NINJ2: variants seen among roughly 807,000 people sequenced by gnomAD.
The protein encoded by NINJ2 is ninjurin-2.
Under a neutral mutation model 11.7 loss-of-function variants are expected in NINJ2, and 12 were observed. That is an observed-to-expected ratio of 1.02 (90% CI 0.66 to 1.66). The LOEUF (loss-of-function observed/expected upper bound fraction) is 1.66, where lower values mean the gene tolerates loss of function less well. NINJ2 is among the 40% of genes most tolerant of loss of function. The pLI is 0.00. For synonymous variants in NINJ2, 93 were observed against 76.8 expected (o/e 1.21, Z -1.10); for missense variants, 187 against 181.8 (o/e 1.03, Z -0.16).
chr12:601,268 C>T (rs1230371165), intron 1 of NINJ2, among the ~76,000 whole-genome samples: 13 of 152,148 alleles, frequency 8.5e-5, no homozygotes, highest in Admixed American at 5.2e-4. Context: ...TAAAACAGGC[C>T]GGGCGCAGTG....
rs552343109 is a variant in NINJ2, at chr12:643,367, G to A, written c.33+19961C>T. On this transcript the variant is annotated intron_variant, in intron 1 of 3. Transcript: ENST00000305108. ...GGGGAGGGGAGGGTGGCGTTCCTGAGTCCGCGGAGGAAAGGGTCGCAGCTG... is the reference window on the plus strand; with the variant it reads ...GGGGAGGGGAGGGTGGCGTTCCTGAATCCGCGGAGGAAAGGGTCGCAGCTG... 10 of 893,880 alleles carry A rather than the reference G, an allele frequency of 1.1e-5. No homozygotes were observed. The South Asian group carries it at 4.6e-4, about 41-fold the overall frequency. 55.4% of individuals were successfully genotyped at this position (893,880 alleles called of 1,614,324 possible). A position where few individuals can be genotyped will look rare whatever the true frequency, so the allele number is the denominator to read the frequency against.
chr12:575,778 G>A (rs1003507233), intron 1 of NINJ2, among the ~76,000 whole-genome samples: 3 of 152,200 alleles, frequency 2.0e-5, no homozygotes, highest in Non-Finnish European at 4.4e-5. Context: ...TTTAAGGGTG[G>A]GGCTTCAGGC....
Position 614,036 on chromosome 12 carries a change from C to T in NINJ2, c.34-47858G>A, listed in dbSNP as rs1948064316. Among the ~76,000 whole-genome samples, 2 of 152,200 alleles carry T rather than the reference C, an allele frequency of 1.3e-5. No homozygotes were observed. Among genetic ancestry groups the T allele is most frequent in the Admixed American group, 1.3e-4 (2 of 15,288 alleles). ...CACACTGGCATTTTCTTTCCAGGTGCTATTCATTTAAGCCCTTCCAGAAGC... is the reference window on the plus strand; with the variant it reads ...CACACTGGCATTTTCTTTCCAGGTGTTATTCATTTAAGCCCTTCCAGAAGC... On this transcript the variant is annotated intron_variant, in intron 1 of 3. Transcript: ENST00000305108. The surrounding 1 kb of genome is among the most constrained non-coding windows in gnomAD (Gnocchi z 5.1).
At chr12:576,232 T>C (rs905605370) in intron 1 of NINJ2, among the ~76,000 whole-genome samples, 3 of 151,506 alleles carry the variant, frequency 2.0e-5, no homozygotes, top group East Asian at 3.9e-4. Flanking sequence ...AGAGGCCACG[T>C]GGGGCGAGGC....
At chr12:648,616 A>G (rs1937733157) in intron 1 of NINJ2, among the ~76,000 whole-genome samples, 1 of 152,230 alleles carries the variant, frequency 6.6e-6, no homozygotes, top group South Asian at 2.1e-4. Flanking sequence ...AAAGGCCTGG[A>G]CAAGGAATAA....
In NINJ2 at chr12:633,737, C is replaced by T. The variant is rs12319925; in HGVS notation, c.33+29591G>A. On this transcript the variant is annotated intron_variant, in intron 1 of 3. Transcript: ENST00000305108. The surrounding 1 kb of genome is among the most constrained non-coding windows in gnomAD (Gnocchi z 4.3). ...GGCTGAGGCAGGAGAATCATTTGAACCCAGGAGGTGGAGGTTGCAGTGAGC... is the reference window on the plus strand; with the variant it reads ...GGCTGAGGCAGGAGAATCATTTGAATCCAGGAGGTGGAGGTTGCAGTGAGC... 0.011 allele frequency among the ~76,000 whole-genome samples: 1,739 copies of T among 152,218 alleles called. 33 individuals carry two copies. Among genetic ancestry groups the T allele is most frequent in the African/African-American group, 0.04 (1,653 of 41,548 alleles).
In NINJ2 at chr12:565,954, G is replaced by A; in HGVS notation, c.258C>T (p.Val86=). The A allele has an allele frequency of 1.2e-6, 2 of 1,614,050 alleles. No individual in the cohort carries two copies. Among genetic ancestry groups the A allele is most frequent in the Non-Finnish European group, 8.5e-7 (1 of 1,179,902 alleles). Residue 86 remains valine (V), a synonymous_variant, in exon 2 of 4, where the codon GTC becomes GTT. Coordinates refer to ENST00000305108, the MANE Select transcript of NINJ2 (RefSeq NM_016533.6). ...ACTGCAGGCTGGGCTCCTCACCAAT[G>A]ACCACGAGCAGGACACCGATGACCA... ...LQVVIGVLLV[V]IARLNLNEVE... is the part of the protein sequence containing the mutation.
At chr12:595,469 G>T (rs1372065980) in intron 1 of NINJ2, among the ~76,000 whole-genome samples, 1 of 152,184 alleles carries the variant, frequency 6.6e-6, no homozygotes. Flanking sequence ...CACAGACTGG[G>T]AGTAAATATT....
At chr12:629,502 C>T (rs1948245369) in intron 1 of NINJ2, among the ~76,000 whole-genome samples, 1 of 152,158 alleles carries the variant, frequency 6.6e-6, no homozygotes, top group Non-Finnish European at 1.5e-5. Flanking sequence ...GACAGTCCAG[C>T]AAGCTTGTCC....
chr12:659,614 G>A (rs1053529561), intron 1 of NINJ2, among the ~76,000 whole-genome samples: 7 of 152,222 alleles, frequency 4.6e-5, no homozygotes, highest in Admixed American at 1.3e-4. Context: ...CATCCAGCTG[G>A]TGGAGGCCAC....
chr12:598,180 G>A (rs1205818949), intron 1 of NINJ2, among the ~76,000 whole-genome samples: 3 of 152,210 alleles, frequency 2.0e-5, no homozygotes, highest in Non-Finnish European at 4.4e-5. Context: ...GTATAGATAT[G>A]TACAGACAGC....
At chr12:566,523 C>G (rs1947303229) in intron 1 of NINJ2, among the ~76,000 whole-genome samples, 1 of 152,166 alleles carries the variant, frequency 6.6e-6, no homozygotes, top group Non-Finnish European at 1.5e-5. Context: ...GGCCAGGCCT[C>G]AGCTTTGGGC....
chr12:609,335 C>T (rs1947992625), intron 1 of NINJ2, among the ~76,000 whole-genome samples: 1 of 103,710 alleles, frequency 9.6e-6, no homozygotes, highest in Admixed American at 9.0e-5. Flanking sequence ...CGCACACGCA[C>T]GGCGCCACGC....
At chr12:644,635 A>C (rs1937647391) in intron 1 of NINJ2, 1 of 152,138 alleles carries the variant, frequency 6.6e-6, no homozygotes, top group African/African-American at 2.4e-5. Context: ...CGTTATAAGC[A>C]CAGTACTTGG....
chr12:601,317 CG>C (rs1325624495), intron 1 of NINJ2, among the ~76,000 whole-genome samples: 24 of 151,994 alleles, frequency 1.6e-4, no homozygotes, highest in Non-Finnish European at 3.2e-4. Context: ...GAGGCTGAGG[CG>C]GGCGGATCAG....
chr12:609,527 T>C (rs997649343), intron 1 of NINJ2, among the ~76,000 whole-genome samples: 1 of 152,020 alleles, frequency 6.6e-6, no homozygotes, highest in African/African-American at 2.4e-5. Flanking sequence ...CCCAGCACTT[T>C]GGGAGGCTGA....
intron 1 of NINJ2, among the ~76,000 whole-genome samples, chr12:601,421 G>A (rs182645942): frequency 0.011 from 1,597 of 150,772 alleles, 29 homozygotes; most frequent in East Asian, 0.1. Flanking sequence ...GGTGGCGGGC[G>A]CCTGTAGTCC....
At chr12:636,115 G>A (rs112801129) in intron 1 of NINJ2, among the ~76,000 whole-genome samples, 2 of 152,068 alleles carry the variant, frequency 1.3e-5, no homozygotes, top group South Asian at 4.2e-4. Context: ...GGTGGCTTAC[G>A]CCTGTAATCC....
intron 1 of NINJ2, among the ~76,000 whole-genome samples, chr12:661,473 G>A (rs1159461011): frequency 6.6e-6 from 1 of 152,224 alleles, no homozygotes; most frequent in East Asian, 1.9e-4. Flanking sequence ...TTAGAAGAGA[G>A]TGAATGACAA....
Sources: allele counts gnomAD v4.1 joint callset (sites outside exome capture counted in the v4.1 genomes callset), GRCh38; gene constraint gnomAD v4.1.1; non-coding constraint Gnocchi (gnomAD v3.1); transcripts MANE v1.5; gene names NCBI Gene and HGNC (gene_info 2026-07-23, HGNC 2026-07-21).